The following SPIDR variants were observed in gnomAD, a reference collection of about 807,000 sequenced individuals.
The protein encoded by SPIDR is DNA repair-scaffolding protein.
Under a neutral mutation model 104.6 loss-of-function variants are expected in SPIDR, and 93 were observed. The ratio of observed to expected loss-of-function variants is 0.89; its 90% CI spans 0.75 to 1.06. SPIDR has a LOEUF of 1.06. Ranked by LOEUF, SPIDR falls within the 50% of genes least tolerant of loss-of-function variation. The pLI is 0.00. For synonymous variants in SPIDR, 431 were observed against 416.9 expected, an observed-to-expected ratio of 1.03 and a Z score of -0.41; for missense variants, 1,154 against 1,111.2, an observed-to-expected ratio of 1.04 and a Z score of -0.55.
At chr8:47,671,882 C>G (rs1461558797) in intron 10 of SPIDR, among the ~76,000 whole-genome samples, 1 of 152,146 alleles carries the variant, frequency 6.6e-6, no homozygotes, top group Non-Finnish European at 1.5e-5. Context: ...TTGGTATTCT[C>G]TAGTTTCATT....
intron 11 of SPIDR, among the ~76,000 whole-genome samples, chr8:47,684,126 CAAAAAAA>C (rs748328609): frequency 6.3e-4 from 24 of 38,128 alleles, no homozygotes; most frequent in African/African-American, 2.1e-3. Flanking sequence ...GACTCTGTCT[CAAAAAAA>C]AAAAAAAAAA....
At chr8:47,348,727 C>G (rs562878237) in intron 5 of SPIDR, among the ~76,000 whole-genome samples, 2 of 152,224 alleles carry the variant, frequency 1.3e-5, no homozygotes, top group Admixed American at 1.3e-4. Flanking sequence ...ATCTGTCTTC[C>G]ACTTCAATGA....
intron 5 of SPIDR, among the ~76,000 whole-genome samples, chr8:47,310,040 A>G (rs2043836938): frequency 6.7e-6 from 1 of 150,328 alleles, no homozygotes; most frequent in Non-Finnish European, 1.5e-5. Context: ...CTCAAAAAAC[A>G]AAGTAATAAG....
intron 7 of SPIDR, among the ~76,000 whole-genome samples, chr8:47,412,856 G>A (rs1472590250): frequency 1.3e-5 from 2 of 152,136 alleles, no homozygotes; most frequent in Non-Finnish European, 2.9e-5. Flanking sequence ...TTTAATTTGT[G>A]TGTCACTCAT....
rs756849466 is a variant in SPIDR at position 47,701,794 on chromosome 8, T to A, written c.1847T>A (p.Ile616Lys). 1.3e-5 allele frequency: 21 copies of A among 1,614,190 alleles called. No homozygotes were observed. Among genetic ancestry groups the A allele is most frequent in the Non-Finnish European group, 1.8e-5 (21 of 1,180,024 alleles). ...TAHPNLGQID[I>K]IDEDPIYKLY... ...CATCCAAATCTGGGACAAATTGATATAATTGACGAAGACCCCATTTATAAG... is the reference window on the plus strand; with the variant it reads ...CATCCAAATCTGGGACAAATTGATAAAATTGACGAAGACCCCATTTATAAG... The change falls in exon 13 of 20, where the codon ATA becomes AAA. Residue 616 changes from isoleucine (I) to lysine (K), a missense_variant. Physicochemically the swap from Ile to Lys is moderately radical, Grantham distance 102. Transcript: ENST00000297423.
intron 10 of SPIDR, among the ~76,000 whole-genome samples, chr8:47,624,140 G>A (rs369994725): frequency 6.6e-6 from 1 of 151,624 alleles, no homozygotes; most frequent in South Asian, 2.1e-4. Context: ...ATGACTACTG[G>A]GTACATAACG....
At chr8:47,627,483 A>G (rs1454181861) in intron 10 of SPIDR, among the ~76,000 whole-genome samples, 1 of 152,216 alleles carries the variant, frequency 6.6e-6, no homozygotes, top group Non-Finnish European at 1.5e-5. Flanking sequence ...AGAATTTTGA[A>G]TATTTGATAA....
At chr8:47,586,540 A>C (rs2060270879) in intron 8 of SPIDR, among the ~76,000 whole-genome samples, 1 of 152,124 alleles carries the variant, frequency 6.6e-6, no homozygotes, top group Non-Finnish European at 1.5e-5. Flanking sequence ...TTTTCAATGA[A>C]ATGTCTGTTC....
At chr8:47,262,051 T>G (rs2032541110) in intron 1 of SPIDR, among the ~76,000 whole-genome samples, 1 of 152,254 alleles carries the variant, frequency 6.6e-6, no homozygotes, top group South Asian at 2.1e-4. Flanking sequence ...TTCTCTTTAC[T>G]GTGTTCGTGC....
chr8:47,508,922 T>C lies in SPIDR; in HGVS notation c.1097+68380T>C, dbSNP rs150921191. Among the ~76,000 whole-genome samples, 92 of 151,948 alleles carry C rather than the reference T, an allele frequency of 6.1e-4. No individual in the cohort carries two copies. The East Asian group carries it at 9.3e-3, about 15-fold the overall frequency. ...AGACTTGTTACATGATTATGTATTA[T>C]GGAAGTGTCCTTCCATTTTATATAT... On this transcript the variant is annotated intron_variant, in intron 8 of 19. Transcript: ENST00000297423.
At chr8:47,285,831 G>C (rs989948537) in intron 3 of SPIDR, among the ~76,000 whole-genome samples, 63 of 152,290 alleles carry the variant, frequency 4.1e-4, no homozygotes, top group Admixed American at 1.1e-3. Flanking sequence ...ATTTTGGTGG[G>C]GGGGGACACA....
chr8:47,732,044 C>T (rs1015974825), intron 19 of SPIDR: 1 of 674,048 alleles, frequency 1.5e-6, no homozygotes, highest in Non-Finnish European at 2.7e-6. Flanking sequence ...GTGGCAGCAG[C>T]TGCCTGGCAT....
At chr8:47,472,334 G>C (rs1392385455) in intron 8 of SPIDR, among the ~76,000 whole-genome samples, 2 of 152,210 alleles carry the variant, frequency 1.3e-5, no homozygotes, top group African/African-American at 4.8e-5. Context: ...AGTCTTGGTA[G>C]AGAGCTTGTG....
At chr8:47,407,762 T>C (rs1295151825) in intron 6 of SPIDR, 99 bp from the exon 7 acceptor site, 5 of 582,936 alleles carry the variant, frequency 8.6e-6, no homozygotes, top group Non-Finnish European at 1.4e-5. Context: ...GCATGTTTTA[T>C]CTGTTTGTCT....
intron 1 of SPIDR, among the ~76,000 whole-genome samples, chr8:47,271,214 A>G (rs2035252548): frequency 6.6e-6 from 1 of 152,042 alleles, no homozygotes; most frequent in African/African-American, 2.4e-5. Context: ...TTTAGATTTT[A>G]TGCTATTTGG....
At chr8:47,724,518 C>T (rs1469848551) in intron 16 of SPIDR, among the ~76,000 whole-genome samples, 6 of 152,200 alleles carry the variant, frequency 3.9e-5, no homozygotes, top group Admixed American at 6.5e-5. Context: ...TGCCCTGGTC[C>T]AGAAGATCTC....
chr8:47,379,602 A>AT (rs1462020339), intron 5 of SPIDR, among the ~76,000 whole-genome samples: 1 of 152,232 alleles, frequency 6.6e-6, no homozygotes, highest in East Asian at 1.9e-4. Flanking sequence ...ATTCAGCTCC[A>AT]TGAGGTACAG....
rs1336339335 is a variant in SPIDR, at chr8:47,302,364, T to G, written c.525+8334T>G. On this transcript the variant is annotated intron_variant, in intron 5 of 19. Coordinates refer to ENST00000297423, the MANE Select transcript of SPIDR (RefSeq NM_001080394.4). ...CATTTGTCTCGTTTTTTTCCAAGAT[T>G]TTTAACTTCTTTGCCATGGGTTCGA... 5.9e-5 allele frequency among the ~76,000 whole-genome samples: 9 copies of G among 152,246 alleles called. No homozygotes were observed. In the East Asian group the frequency reaches 1.4e-3, roughly 23 times the overall value.
At chr8:47,393,171 G>A (rs1192620522) in intron 5 of SPIDR, among the ~76,000 whole-genome samples, 2 of 152,120 alleles carry the variant, frequency 1.3e-5, no homozygotes, top group East Asian at 1.9e-4. Flanking sequence ...TATCCCATAG[G>A]CACACAACAT....
Sources: gnomAD v4.1 joint callset for allele counts (sites outside exome capture counted in the v4.1 genomes callset) on GRCh38, gnomAD v4.1.1 for gene constraint, MANE v1.5 for transcripts, NCBI Gene and HGNC (gene_info 2026-07-23, HGNC 2026-07-21) for gene names.